CEP63: variants seen among roughly 807,000 people sequenced by gnomAD.
CEP63 encodes centrosomal protein of 63 kDa.
CEP63 carries 84 observed loss-of-function variants against 89.1 expected under a neutral mutation model. The ratio of observed to expected loss-of-function variants is 0.94; its 90% CI spans 0.79 to 1.13. The LOEUF (loss-of-function observed/expected upper bound fraction) is 1.13, where lower values mean the gene tolerates loss of function less well. CEP63 is among the 50% of genes most tolerant of loss of function. The probability of loss-of-function intolerance (pLI) is 0.00; values close to 1 mark genes in which losing one functional copy is unlikely to be tolerated. For synonymous variants in CEP63, 267 were observed against 272.5 expected (o/e 0.98, Z 0.20); for missense variants, 838 against 813.3 (o/e 1.03, Z -0.37).
chr3:134,545,933 T>C (rs1953199655), intron 7 of CEP63, 114 bp downstream of exon 7: 2 of 871,404 alleles, frequency 2.3e-6, no homozygotes, highest in Non-Finnish European at 3.6e-6. Context: ...ACTTTATAAA[T>C]GATGGATCAG....
the CEP63 span, among the ~76,000 whole-genome samples, chr3:134,632,881 G>GACACAC: frequency 2.0e-5 from 3 of 151,836 alleles, no homozygotes; most frequent in Non-Finnish European, 4.4e-5. Context: ...AAAGAGGCAA[G>GACACAC]ACACAAATCA....
At chr3:134,707,421 T>G in the CEP63 span, among the ~76,000 whole-genome samples, 1 of 152,196 alleles carries the variant, frequency 6.6e-6, no homozygotes, top group African/African-American at 2.4e-5. Context: ...TACACAATCC[T>G]AACTGAATGG....
the CEP63 span, among the ~76,000 whole-genome samples, chr3:134,744,310 T>G: frequency 6.6e-6 from 1 of 152,138 alleles, no homozygotes; most frequent in Non-Finnish European, 1.5e-5. Flanking sequence ...AGAGAAGGGA[T>G]CATTAGGCTA....
chr3:134,766,988 T>C, the CEP63 span, among the ~76,000 whole-genome samples: 1 of 152,272 alleles, frequency 6.6e-6, no homozygotes, highest in South Asian at 2.1e-4. Flanking sequence ...TGGGATTGAT[T>C]AAATTTGTAC....
At chr3:134,540,054 T>C (rs1325264903) in intron 6 of CEP63, among the ~76,000 whole-genome samples, 1 of 152,134 alleles carries the variant, frequency 6.6e-6, no homozygotes, top group Non-Finnish European at 1.5e-5. Flanking sequence ...CTTTAAAAAG[T>C]CCTGAGAGTA....
intron 1 of CEP63, among the ~76,000 whole-genome samples, chr3:134,490,303 C>T (rs1423646935): frequency 1.3e-5 from 2 of 151,914 alleles, no homozygotes; most frequent in African/African-American, 4.8e-5. Context: ...ATCTTTTTTG[C>T]TGAGTCTTGG....
At chr3:134,690,882 G>A in the CEP63 span, among the ~76,000 whole-genome samples, 1 of 151,778 alleles carries the variant, frequency 6.6e-6, no homozygotes, top group Admixed American at 6.6e-5. Flanking sequence ...CCAAGTAGCT[G>A]GGATTACAGG....
At chr3:134,516,942 G>C (rs1946380383) in intron 3 of CEP63, among the ~76,000 whole-genome samples, 2 of 152,144 alleles carry the variant, frequency 1.3e-5, no homozygotes, top group African/African-American at 4.8e-5. Context: ...AAATCTGGAA[G>C]TGTTGAGGAG....
the CEP63 span, among the ~76,000 whole-genome samples, chr3:134,709,957 C>G: frequency 6.6e-6 from 1 of 152,210 alleles, no homozygotes; most frequent in African/African-American, 2.4e-5. Context: ...TCTTTTCACT[C>G]TAAATTCAGT....
chr3:134,486,242 C>G (rs1350675630), intron 1 of CEP63, 40 bp downstream of exon 1: 2 of 985,498 alleles, frequency 2.0e-6, no homozygotes, highest in Non-Finnish European at 2.4e-6. Flanking sequence ...TGCGGCAACC[C>G]TGTAACCGCC....
At chr3:134,518,602 T>TG (rs1946735182) in intron 3 of CEP63, among the ~76,000 whole-genome samples, 1 of 152,166 alleles carries the variant, frequency 6.6e-6, no homozygotes, top group Admixed American at 6.5e-5. Context: ...ATAATGAATA[T>TG]GGTACGTATC....
At chr3:134,611,201 A>T in the CEP63 span, among the ~76,000 whole-genome samples, 2 of 152,152 alleles carry the variant, frequency 1.3e-5, no homozygotes, top group South Asian at 2.1e-4. Flanking sequence ...GGTCCTTTTG[A>T]CATTGTGCTC....
the CEP63 span, among the ~76,000 whole-genome samples, chr3:134,663,939 G>A: frequency 6.6e-6 from 1 of 152,210 alleles, no homozygotes; most frequent in Non-Finnish European, 1.5e-5. Context: ...CAGCCAGAAG[G>A]GAGGGTAGGA....
At chr3:134,516,127 C>T (rs1946147511) in intron 3 of CEP63, among the ~76,000 whole-genome samples, 1 of 152,046 alleles carries the variant, frequency 6.6e-6, no homozygotes, top group Non-Finnish European at 1.5e-5. Flanking sequence ...TTGGGTGTTT[C>T]TCGGAGAGGG....
chr3:134,726,369 C>G, the CEP63 span, among the ~76,000 whole-genome samples: 1 of 151,952 alleles, frequency 6.6e-6, no homozygotes, highest in Non-Finnish European at 1.5e-5. Flanking sequence ...CCCCAGAATC[C>G]TCCTTGTTTA....
Position 134,538,531 on chromosome 3 carries a change from GTGTATA to G in CEP63, c.555+1265_555+1270del, listed in dbSNP as rs1265513229. Among the ~76,000 whole-genome samples the G allele has an allele frequency of 3.6e-4, 36 of 99,680 alleles. 1 individual carries two copies. Among genetic ancestry groups the G allele is most frequent in the Non-Finnish European group, 6.1e-4 (28 of 45,960 alleles). The allele number at this position is 99,680 out of a possible 152,430, so 65.4% of individuals were successfully genotyped here. Reference sequence around the variant, plus strand: ...AGACCTAATAAGAAATTGTGTGTGTGTGTATATATATATATATATATATGTATATAT... The same window carrying G: ...AGACCTAATAAGAAATTGTGTGTGTGTATATATATATATATATGTATATAT... On this transcript the variant is annotated intron_variant, in intron 6 of 14. Coordinates refer to ENST00000675561, the MANE Select transcript of CEP63 (RefSeq NM_001353108.3).
chr3:134,587,458 C>T (rs1457904733), exon 11 of CEP63, among the ~76,000 whole-genome samples: 2 of 152,180 alleles, frequency 1.3e-5, no homozygotes, highest in African/African-American at 2.4e-5. Flanking sequence ...GGTCTCTCAG[C>T]TGCAGGTCTG....
intron 9 of CEP63, among the ~76,000 whole-genome samples, chr3:134,547,681 G>T (rs1019641848): frequency 1.4e-5 from 2 of 139,280 alleles, no homozygotes; most frequent in Admixed American, 1.6e-4. Context: ...CACAATCTCA[G>T]CTCACTGCAA....
At chr3:134,646,047 T>C in the CEP63 span, among the ~76,000 whole-genome samples, 16,169 of 152,246 alleles carry the variant, frequency 0.11, 1,103 homozygotes, top group East Asian at 0.2. Context: ...TGTGCTTCTT[T>C]GTTTCCACCT....
Sources: allele counts gnomAD v4.1 joint callset (sites outside exome capture counted in the v4.1 genomes callset), GRCh38; gene constraint gnomAD v4.1.1; transcripts MANE v1.5; gene names NCBI Gene and HGNC (gene_info 2026-07-23, HGNC 2026-07-21).